Variants in SRPK2 observed in about 807,000 individuals in gnomAD.
The protein encoded by SRPK2 is SFRS protein kinase 2.
SRPK2 carries 21 observed loss-of-function variants against 90.8 expected under a neutral mutation model. The ratio of observed to expected loss-of-function variants is 0.23; its 90% CI spans 0.16 to 0.33. The LOEUF is 0.33. Among genes scored for constraint, SRPK2 ranks in the 10% least tolerant of loss-of-function variants. SRPK2 has a pLI of 1.00. For synonymous variants in SRPK2, 288 were observed against 311.1 expected, an observed-to-expected ratio of 0.93 and a Z score of 0.78; for missense variants, 620 against 869.0, an observed-to-expected ratio of 0.71 and a Z score of 3.60.
At chr7:105,277,057 T>C (rs1806601908) in intron 2 of SRPK2, among the ~76,000 whole-genome samples, 1 of 151,576 alleles carries the variant, frequency 6.6e-6, no homozygotes, top group South Asian at 2.1e-4. Flanking sequence ...ATGGAGCCCT[T>C]CTTGGTGTCT....
intron 2 of SRPK2, among the ~76,000 whole-genome samples, chr7:105,377,541 A>T (rs1820449478): frequency 6.6e-6 from 1 of 151,978 alleles, no homozygotes; most frequent in South Asian, 2.1e-4. Context: ...GAAAAAAAAA[A>T]ATACAAAAAT....
intron 3 of SRPK2, among the ~76,000 whole-genome samples, chr7:105,173,343 C>G (rs1444093366): frequency 6.6e-6 from 1 of 152,162 alleles, no homozygotes. Flanking sequence ...GTGATATACA[C>G]AATTTCAAGT....
chr7:105,123,733 T>G (rs1800738877), intron 15 of SRPK2, among the ~76,000 whole-genome samples: 1 of 152,084 alleles, frequency 6.6e-6, no homozygotes, highest in African/African-American at 2.4e-5. Flanking sequence ...GTGACTTCTG[T>G]AAAAACCCTA....
At chr7:105,285,594 G>A (rs903998528) in intron 2 of SRPK2, among the ~76,000 whole-genome samples, 4 of 152,104 alleles carry the variant, frequency 2.6e-5, no homozygotes, top group Non-Finnish European at 2.9e-5. Context: ...TTTGGATCAC[G>A]GGGACTGGGA....
chr7:105,290,558 G>C (rs1409034379), intron 2 of SRPK2, among the ~76,000 whole-genome samples: 1 of 152,050 alleles, frequency 6.6e-6, no homozygotes, highest in African/African-American at 2.4e-5. Flanking sequence ...TGAAGTATAG[G>C]TCGGGCCACA....
chr7:105,331,480 G>A lies in SRPK2; in HGVS notation c.71+57168C>T, dbSNP rs146843736. ...AAAACCATATCCTGGCTTTGGGAGA[G>A]AGAAGGAGAAAAAATAATTTCTGAG... On this transcript the variant is annotated intron_variant, in intron 2 of 15. Coordinates refer to ENST00000393651, the MANE Select transcript of SRPK2 (RefSeq NM_182692.3). Among the ~76,000 whole-genome samples, 285 of 152,222 alleles carry A rather than the reference G, an allele frequency of 1.9e-3. 2 individuals carry two copies. The highest frequency in any genetic ancestry group is 6.3e-3 in the African/African-American group (261 of 41,536).
intron 2 of SRPK2, among the ~76,000 whole-genome samples, chr7:105,336,720 ACT>A (rs1419962648): frequency 6.6e-6 from 1 of 152,144 alleles, no homozygotes; most frequent in Non-Finnish European, 1.5e-5. Context: ...CAAATTTAAC[ACT>A]CTGAGTTCCC....
intron 2 of SRPK2, among the ~76,000 whole-genome samples, chr7:105,219,301 T>G (rs1238243427): frequency 6.6e-6 from 1 of 152,174 alleles, no homozygotes; most frequent in Non-Finnish European, 1.5e-5. Flanking sequence ...GACCAGGATC[T>G]TAGTCTCCTT....
At chr7:105,338,969 G>T (rs1182979172) in intron 2 of SRPK2, among the ~76,000 whole-genome samples, 1 of 152,094 alleles carries the variant, frequency 6.6e-6, no homozygotes, top group East Asian at 1.9e-4. Flanking sequence ...AACAAAAAGG[G>T]AGAGCAGTCA....
intron 3 of SRPK2, among the ~76,000 whole-genome samples, chr7:105,173,556 C>T (rs1791427295): frequency 6.6e-6 from 1 of 152,158 alleles, no homozygotes; most frequent in African/African-American, 2.4e-5. Context: ...AAAAAATGAA[C>T]ACTCCAGTAA....
chr7:105,239,993 T>C (rs6948162), intron 2 of SRPK2, among the ~76,000 whole-genome samples: 2,110 of 152,306 alleles, frequency 0.014, 52 homozygotes, highest in African/African-American at 0.048. Flanking sequence ...GAATAACCTC[T>C]GGATCAAATA....
chr7:105,321,644 A>G (rs1016985821), intron 2 of SRPK2, among the ~76,000 whole-genome samples: 4 of 152,342 alleles, frequency 2.6e-5, no homozygotes, highest in African/African-American at 9.6e-5. Context: ...GAAAGATTTT[A>G]ATAGAATCTC....
intron 2 of SRPK2, among the ~76,000 whole-genome samples, chr7:105,333,425 C>T (rs544364970): frequency 3.9e-5 from 6 of 152,178 alleles, no homozygotes; most frequent in Middle Eastern, 3.4e-3. Flanking sequence ...ATTTAATTAA[C>T]GTTTAGTAAT....
At chr7:105,249,029 T>A (rs1368972005) in intron 2 of SRPK2, among the ~76,000 whole-genome samples, 1 of 152,210 alleles carries the variant, frequency 6.6e-6, no homozygotes, top group Admixed American at 6.5e-5. Flanking sequence ...GTGTCTGTTC[T>A]ATTTGATGAC....
chr7:105,137,165 G>A (rs1802956630), intron 11 of SRPK2, among the ~76,000 whole-genome samples: 1 of 152,196 alleles, frequency 6.6e-6, no homozygotes, highest in Non-Finnish European at 1.5e-5. Flanking sequence ...AAAATCCTAA[G>A]GCAGAAACAG....
At chr7:105,264,991 T>C (rs1237423867) in intron 2 of SRPK2, among the ~76,000 whole-genome samples, 2 of 152,190 alleles carry the variant, frequency 1.3e-5, no homozygotes, top group African/African-American at 2.4e-5. Context: ...CCTGAAGAAA[T>C]AGCAATAAAG....
At chr7:105,389,136 C>T, upstream of SRPK2, 11 of 1,004,540 alleles carry the variant, frequency 1.1e-5, no homozygotes, top group Non-Finnish European at 1.3e-5. Flanking sequence ...AGCCCGCGGC[C>T]CGGGCCTCCG....
At chr7:105,122,705 T>C (rs1272328780) in intron 15 of SRPK2, among the ~76,000 whole-genome samples, 1 of 152,184 alleles carries the variant, frequency 6.6e-6, no homozygotes, top group Non-Finnish European at 1.5e-5. Context: ...ATGTTGTCCC[T>C]GACTCAGGGA....
At chr7:105,349,799 C>G (rs563840290) in intron 2 of SRPK2, among the ~76,000 whole-genome samples, 1 of 152,016 alleles carries the variant, frequency 6.6e-6, no homozygotes, top group African/African-American at 2.4e-5. Context: ...TGTGCAGTGC[C>G]GTGATCTCAG....
Sources: allele counts gnomAD v4.1 joint callset (sites outside exome capture counted in the v4.1 genomes callset), GRCh38; gene constraint gnomAD v4.1.1; transcripts MANE v1.5; gene names NCBI Gene and HGNC (gene_info 2026-07-23, HGNC 2026-07-21).